The following PIN4 variants were observed in gnomAD, a reference collection of about 807,000 sequenced individuals.
The protein encoded by PIN4 is peptidyl-prolyl cis-trans isomerase NIMA-interacting 4.
A neutral mutation model predicts 8.3 loss-of-function variants in PIN4; 3 were observed. The ratio of observed to expected loss-of-function variants is 0.36; its 90% CI spans 0.16 to 0.93. The LOEUF is 0.93. Ranked by LOEUF, PIN4 falls within the 40% of genes least tolerant of loss-of-function variation. The pLI is 0.44. For synonymous variants in PIN4, 18 were observed against 32.5 expected (o/e 0.55, Z 1.52); for missense variants, 75 against 100.6 (o/e 0.75, Z 1.09).
chrX:72,182,626 C>A (rs1348156321), intron 1 of PIN4, among the ~76,000 whole-genome samples: 1 of 111,151 alleles, frequency 9.0e-6, no homozygotes, highest in Non-Finnish European at 1.9e-5. Flanking sequence ...AAGCACTGTA[C>A]TAAATGTAGT....
chrX:72,238,931 A>G, intron 3 of PIN4: 14 of 1,172,915 alleles, frequency 1.2e-5, no homozygotes, highest in Non-Finnish European at 1.6e-5. Context: ...ATTGGGTTCC[A>G]GTTACCCCGG....
exon 4 of PIN4, chrX:72,262,937 G>C (rs1311476814): frequency 7.3e-6 from 3 of 409,487 alleles, no homozygotes; most frequent in Non-Finnish European, 1.3e-5. Flanking sequence ...TTTCAGAAAA[G>C]AGAAAGTACA....
chrX:72,248,291 GAAA>G (rs55908553), intron 3 of PIN4, among the ~76,000 whole-genome samples: 43 of 54,786 alleles, frequency 7.8e-4, no homozygotes, highest in Non-Finnish European at 1.3e-3. Flanking sequence ...GCTCCATCCA[GAAA>G]AAAAAAAAAA....
chrX:72,206,283 A>G (rs1332719147), intron 3 of PIN4: 1 of 1,208,911 alleles, frequency 8.3e-7, no homozygotes, highest in Non-Finnish European at 1.1e-6. Flanking sequence ...TTCCCAATGA[A>G]GAGTTAGTAC....
intron 3 of PIN4, among the ~76,000 whole-genome samples, chrX:72,222,341 A>G (rs1178753185): frequency 9.0e-6 from 1 of 111,624 alleles, no homozygotes; most frequent in Admixed American, 9.5e-5. Flanking sequence ...TCCTGATGAA[A>G]AGGAGAGCAT....
intron 3 of PIN4, among the ~76,000 whole-genome samples, chrX:72,246,029 C>G (rs942251994): frequency 1.8e-5 from 2 of 111,470 alleles, no homozygotes; most frequent in Non-Finnish European, 3.8e-5. Context: ...CTAGCCTCAT[C>G]GTCTCTCCTG....
chrX:72,260,171 T>G lies in PIN4; in HGVS notation c.313-2536T>G, dbSNP rs1045241304. 4.5e-5 allele frequency among the ~76,000 whole-genome samples: 5 copies of G among 112,072 alleles called. No homozygotes were observed. The East Asian group carries it at 8.4e-4, about 19-fold the overall frequency. On this transcript the variant is annotated intron_variant, in intron 3 of 3. Transcript: ENST00000423432. ...AAGAGAGTGGGATTGGTTGTTTGGG[T>G]AGCTCTCCCCACAGCTGGAGACCCA...
chrX:72,205,991 T>G (rs775667202), intron 3 of PIN4: 2 of 1,211,832 alleles, frequency 1.7e-6, no homozygotes, highest in East Asian at 3.0e-5. Flanking sequence ...TGCAGTGCAC[T>G]ATGGGATGCT....
downstream of PIN4, among the ~76,000 whole-genome samples, chrX:72,202,018 T>A (rs138962769): frequency 0.026 from 2,966 of 112,794 alleles, 97 homozygotes; most frequent in African/African-American, 0.089. Flanking sequence ...ATGGAAAGGA[T>A]GACGTGAAGT....
intron 3 of PIN4, among the ~76,000 whole-genome samples, chrX:72,239,344 A>G (rs146834016): frequency 0.045 from 5,008 of 111,279 alleles, 215 homozygotes; most frequent in African/African-American, 0.14. Context: ...GAGATCTCCA[A>G]CGCCTGCGTC....
chrX:72,191,855 T>C (rs1008536617), intron 2 of PIN4, among the ~76,000 whole-genome samples: 1 of 111,424 alleles, frequency 9.0e-6, no homozygotes, highest in Admixed American at 9.5e-5. Context: ...CTCTACCCTC[T>C]TTTTTGTTCT....
intron 3 of PIN4, among the ~76,000 whole-genome samples, chrX:72,219,350 T>G (rs962438597): frequency 2.7e-5 from 3 of 109,361 alleles, no homozygotes; most frequent in Non-Finnish European, 5.7e-5. Flanking sequence ...GGTCAGGAGT[T>G]TGAGACCAGC....
At chrX:72,184,416 C>T (rs1022157395) in intron 1 of PIN4, among the ~76,000 whole-genome samples, 6 of 111,433 alleles carry the variant, frequency 5.4e-5, no homozygotes, top group Non-Finnish European at 5.7e-5. Context: ...ATCGTGTGCC[C>T]CCGGGGCAGG....
At chrX:72,195,941 A>T (rs2042762835) in intron 2 of PIN4, among the ~76,000 whole-genome samples, 1 of 109,343 alleles carries the variant, frequency 9.1e-6, no homozygotes, top group African/African-American at 3.4e-5. Context: ...CAACGTGGTG[A>T]AACACCATCT....
chrX:72,194,310 G>A (rs947401523), intron 2 of PIN4, among the ~76,000 whole-genome samples: 12 of 111,594 alleles, frequency 1.1e-4, no homozygotes, highest in Non-Finnish European at 1.5e-4. Flanking sequence ...CAAGACAAGC[G>A]GATCACCTGA....
In PIN4 at chrX:72,186,343, C is replaced by T. The variant is rs1364585859; in HGVS notation, c.44-118C>T. On this transcript the variant is annotated intron_variant, in intron 1 of 3. Coordinates refer to ENST00000373669, the MANE Select transcript of PIN4 (RefSeq NM_006223.4). Reference sequence around the variant, plus strand: ...ATACCCTTGTTGTAAAGTGTCTGGCCGAGTTCCCTTTTGAAGTGTGGCGTT... The same window carrying T: ...ATACCCTTGTTGTAAAGTGTCTGGCTGAGTTCCCTTTTGAAGTGTGGCGTT... 2.3e-5 allele frequency: 13 copies of T among 554,532 alleles called. No individual in the cohort carries two copies. In the East Asian group the frequency reaches 4.1e-4, roughly 18 times the overall value. 45.7% of individuals were successfully genotyped at this position (554,532 alleles called of 1,213,427 possible). A position where few individuals can be genotyped will look rare whatever the true frequency, so the allele number is the denominator to read the frequency against.
In PIN4 at chrX:72,181,821, G is replaced by C. The variant is rs2042674568; in HGVS notation, c.36G>C (p.Ala12=). ...AAGGAAAAAGTGGTTCTGGAAAAGC[G>C]GGGAAAGGTAGAGCGGCCAGAGCGA... is the stretch of plus-strand genomic sequence containing the variant. ...PPKGKSGSGK[A]GKGGAASGSD... is the part of the protein sequence containing the mutation. Residue 12 remains alanine (A), a synonymous_variant, in exon 1 of 4, where the codon GCG becomes GCC. Coordinates refer to ENST00000373669, the MANE Select transcript of PIN4 (RefSeq NM_006223.4). The C allele has an allele frequency of 8.7e-7, 1 of 1,146,358 alleles. No individual in the cohort carries two copies. Among genetic ancestry groups the C allele is most frequent in the African/African-American group, 1.8e-5 (1 of 56,985 alleles). The allele number at this position is 1,146,358 out of a possible 1,213,427, so 94.5% of individuals were successfully genotyped here.
At chrX:72,252,692 T>G (rs2147616635) in intron 3 of PIN4, among the ~76,000 whole-genome samples, 1 of 111,790 alleles carries the variant, frequency 8.9e-6, no homozygotes, top group East Asian at 2.8e-4. Context: ...GCCCGGTCCC[T>G]CCAGGTCTTT....
intron 2 of PIN4, among the ~76,000 whole-genome samples, chrX:72,194,836 A>G (rs778364245): frequency 1.8e-5 from 2 of 110,999 alleles, no homozygotes; most frequent in Admixed American, 1.9e-4. Flanking sequence ...AAAGTGTCCT[A>G]TATAAGTGTA....
Sources: gnomAD v4.1 joint callset for allele counts (sites outside exome capture counted in the v4.1 genomes callset) on GRCh38, gnomAD v4.1.1 for gene constraint, MANE v1.5 for transcripts, NCBI Gene and HGNC (gene_info 2026-07-23, HGNC 2026-07-21) for gene names.